The following MIAT variants were observed in gnomAD, a reference collection of about 807,000 sequenced individuals.
MIAT encodes myocardial infarction associated transcript, also known as MI related novel mRNA.
chr22:26,670,056 A>ATTTT (rs35523695), downstream of MIAT: 91,963 of 363,172 alleles, frequency 0.25, 6,869 homozygotes, highest in South Asian at 0.37. Context: ...GGGTTTATCT[A>ATTTT]TTTTTTTTTT....
downstream of MIAT, chr22:26,671,992 C>G: frequency 2.5e-6 from 1 of 398,870 alleles, no homozygotes; most frequent in Middle Eastern, 6.3e-4. Context: ...ATTCTTCCTC[C>G]GTCTCAGCTT....
intron 2 of MIAT, chr22:26,657,301 G>A (rs981978322): frequency 5.1e-6 from 2 of 392,202 alleles, no homozygotes; most frequent in East Asian, 3.6e-5. Context: ...GCTGCGGAGT[G>A]CTCCCTCCAA....
chr22:26,665,284 A>AAAGAAAGAAAGG (rs1930806960), intron 3 of MIAT, among the ~76,000 whole-genome samples: 1 of 119,850 alleles, frequency 8.3e-6, no homozygotes, highest in Non-Finnish European at 1.9e-5. Flanking sequence ...AGAAAGAAAG[A>AAAGAAAGAAAGG]AAGAAAAACA....
chr22:26,671,529 C>G (rs1043475930), downstream of MIAT: 4 of 398,716 alleles, frequency 1.0e-5, no homozygotes, highest in Non-Finnish European at 1.3e-5. Context: ...AACCACCCCC[C>G]CGCAGCCAGA....
chr22:26,666,977 C>G (rs949150126), intron 4 of MIAT: 2 of 398,344 alleles, frequency 5.0e-6, no homozygotes, highest in African/African-American at 4.1e-5. Flanking sequence ...GGAGGGAGGT[C>G]ACATGGAGCT....
intron 2 of MIAT, chr22:26,657,229 G>C (rs1413164345): frequency 3.1e-6 from 1 of 326,988 alleles, no homozygotes; most frequent in African/African-American, 2.1e-5. Context: ...CCATGACAGC[G>C]CCGCGGGTGG....
exon 5 of MIAT, chr22:26,675,200 G>C: frequency 2.5e-6 from 1 of 399,026 alleles, no homozygotes; most frequent in South Asian, 1.3e-4. Flanking sequence ...CTGAGCTGTG[G>C]CTGGGTGGAG....
At chr22:26,671,223 A>AC (rs1040317975), downstream of MIAT, 1 of 398,462 alleles carries the variant, frequency 2.5e-6, no homozygotes, top group East Asian at 3.6e-5. Context: ...GTGCTCTGAG[A>AC]CCCACAGCCA....
chr22:26,671,911 T>C, downstream of MIAT: 1 of 398,546 alleles, frequency 2.5e-6, no homozygotes, highest in Non-Finnish European at 4.4e-6. Flanking sequence ...CTGGCCTCTC[T>C]GGGTGTTCTG....
Position 26,657,019 on chromosome 22 carries a change from C to T in MIAT, n.647-6297C>T, listed in dbSNP as rs1215500507. Among the ~76,000 whole-genome samples the T allele has an allele frequency of 5.3e-5, 8 of 152,264 alleles. No individual in the cohort carries two copies. In the East Asian group the frequency reaches 1.3e-3, roughly 26 times the overall value. On this transcript the variant is annotated intron_variant and non_coding_transcript_variant, in intron 2 of 5. Coordinates refer to ENST00000643270, the Ensembl canonical transcript of MIAT. ...TAACAGTTATGGGTTCAAATCTGGA[C>T]TCCACCATAACCATGTGCATAAAGA...
downstream of MIAT, chr22:26,670,602 T>TAAAAAA (rs34401113): frequency 3.4e-4 from 104 of 310,388 alleles, 1 homozygote; most frequent in African/African-American, 2.0e-3. Context: ...CATTGCTCCT[T>TAAAAAA]AAAAAAAAAA....
chr22:26,655,909 C>G (rs768891803), intron 2 of MIAT: 1 of 152,124 alleles, frequency 6.6e-6, no homozygotes, highest in Non-Finnish European at 1.5e-5. Context: ...GTCTGGAACT[C>G]CTGGGCTCAA....
chr22:26,666,339 C>T (rs1411747116), exon 4 of MIAT: 1 of 398,512 alleles, frequency 2.5e-6, no homozygotes, highest in Non-Finnish European at 4.4e-6. Flanking sequence ...CCCGAATTTC[C>T]TCTGGTGCAT....
At chr22:26,657,738 G>C (rs1477441026) in intron 2 of MIAT, 3 of 398,352 alleles carry the variant, frequency 7.5e-6, no homozygotes, top group Non-Finnish European at 1.3e-5. Context: ...CCCAAGGCTG[G>C]GGTCGAGGGT....
At chr22:26,673,684 A>C, downstream of MIAT, 1 of 398,284 alleles carries the variant, frequency 2.5e-6, no homozygotes, top group Non-Finnish European at 4.4e-6. Flanking sequence ...CTTGGCTAAC[A>C]CAGGTTTGAA....
intron 2 of MIAT, among the ~76,000 whole-genome samples, chr22:26,652,065 C>A (rs1337546188): frequency 1.3e-5 from 2 of 152,214 alleles, no homozygotes; most frequent in African/African-American, 2.4e-5. Context: ...GCAATCAGAG[C>A]TCACTGCAGC....
chr22:26,647,350 G>T (rs1322309981), intron 2 of MIAT: 1 of 305,632 alleles, frequency 3.3e-6, no homozygotes, highest in African/African-American at 2.4e-5. Context: ...GGTTAGTTGT[G>T]GGGGCGGCGG....
exon 2 of MIAT, chr22:26,647,279 C>T (rs889152819): frequency 4.6e-5 from 18 of 390,272 alleles, no homozygotes; most frequent in East Asian, 1.1e-4. Flanking sequence ...CACCCTTCAC[C>T]GTGCCCTGGA....
exon 6 of MIAT, chr22:26,668,854 G>A: frequency 2.5e-6 from 1 of 398,736 alleles, no homozygotes; most frequent in Non-Finnish European, 4.4e-6. Context: ...GTTGAACTCT[G>A]GGAGGGGCAG....
Sources: gnomAD v4.1 joint callset for allele counts (sites outside exome capture counted in the v4.1 genomes callset) on GRCh38, gnomAD v4.1.1 for gene constraint, MANE v1.5 for transcripts, NCBI Gene and HGNC (gene_info 2026-07-23, HGNC 2026-07-21) for gene names.